SMARCD2: variants seen among roughly 807,000 people sequenced by gnomAD.
The protein encoded by SMARCD2 is SWI/SNF related BAF chromatin remodeling complex subunit D2, also known as SWI/SNF-related matrix-associated actin-dependent regulator of chromatin subfamily D member 2.
A neutral mutation model predicts 70.4 loss-of-function variants in SMARCD2; 39 were observed. That is an observed-to-expected ratio of 0.55 (90% CI 0.43 to 0.72). The LOEUF (loss-of-function observed/expected upper bound fraction) is 0.72, where lower values mean the gene tolerates loss of function less well. Among genes scored for constraint, SMARCD2 ranks in the 30% least tolerant of loss-of-function variants. SMARCD2 has a pLI of 0.00. For synonymous variants in SMARCD2, 249 were observed against 279.4 expected (o/e 0.89, Z 1.08); for missense variants, 540 against 713.4 (o/e 0.76, Z 2.77).
chr17:63,842,327 G>T, intron 1 of SMARCD2, 132 bp downstream of exon 1: 1 of 1,182,376 alleles, frequency 8.5e-7, no homozygotes, highest in South Asian at 2.5e-5. Flanking sequence ...CGAGGGTCCC[G>T]GCCCGCCCTC....
chr17:63,836,071 T>C (rs2040261740), intron 4 of SMARCD2, among the ~76,000 whole-genome samples: 2 of 151,118 alleles, frequency 1.3e-5, no homozygotes, highest in African/African-American at 4.9e-5. Context: ...TCACCAACAA[T>C]GCCAGCACAG....
rs768065410 is a variant in SMARCD2 at position 63,833,031 on chromosome 17, C to T, written c.1542+38G>A. 3 of 1,585,766 alleles carry T rather than the reference C, an allele frequency of 1.9e-6. No homozygotes were observed. Among genetic ancestry groups the T allele is most frequent in the East Asian group, 4.6e-5 (2 of 43,494 alleles). On this transcript the variant is annotated intron_variant, in intron 12 of 12. Coordinates refer to ENST00000448276, the MANE Select transcript of SMARCD2 (RefSeq NM_001098426.2). This position sits in a 1 kb window ranked among gnomAD's most constrained non-coding sequence, Gnocchi z 4.3. ...AACCAAGTGGCTCAGGCCTTTGCTA[C>T]TCACGGCCAAAGGAGGGAAAACAGG...
chr17:63,833,594 T>C lies in SMARCD2; in HGVS notation c.1310A>G (p.Asp437Gly). 6.2e-7 allele frequency: 1 copy of C among 1,613,952 alleles called. No individual in the cohort carries two copies. Among genetic ancestry groups the C allele is most frequent in the Non-Finnish European group, 8.5e-7 (1 of 1,179,866 alleles). Residue 437 changes from aspartate to glycine, a missense_variant, in exon 10 of 13, where the codon GAT becomes GGT. Physicochemically the swap from Asp to Gly is moderately conservative, Grantham distance 94. Transcript: ENST00000448276. This position sits in a 1 kb window ranked among gnomAD's most constrained non-coding sequence, Gnocchi z 4.3. ...TTNQQEIASLDVKIHETIESI... is the reference protein window; with the variant it reads ...TTNQQEIASLGVKIHETIESI... ...TGGAGCCAGAGGGCCCACCTTGACA[T>C]CAAGGGAGGCGATCTCCTGCTGATT...
At position 63,835,579 on chromosome 17, in the gene SMARCD2, A is replaced by G. The variant is rs748678398; in HGVS notation, c.568-12T>C. 2 of 1,613,370 alleles carry G rather than the reference A, an allele frequency of 1.2e-6. No individual in the cohort carries two copies. The highest frequency in any genetic ancestry group is 4.5e-5 in the East Asian group (2 of 44,886). ...AGCTTTCGCTTTTGCTAAAGAGAGA[A>G]AGGCAATCACAACTGGAGGTGGACC... On this transcript the variant is annotated splice_polypyrimidine_tract_variant and intron_variant, in intron 4 of 12. Transcript: ENST00000448276.
chr17:63,842,582 G>A lies in SMARCD2; in HGVS notation c.93C>T (p.Pro31=). ...VAAALGAPPP[P]AGPGMLPGPA... is the part of the protein sequence containing the mutation. The stretch of plus-strand genomic sequence containing the variant: ...GTCCGGGCAGCATGCCGGGTCCCGC[G>A]GGGGGAGGCGGCGCTCCCAGGGCCG... The change falls in exon 1 of 13, where the codon CCC becomes CCT. Residue 31 remains proline (P), a synonymous_variant. Transcript: ENST00000448276. 1 of 1,207,580 alleles carries A rather than the reference G, an allele frequency of 8.3e-7. No homozygotes were observed. Among genetic ancestry groups the A allele is most frequent in the Non-Finnish European group, 1.0e-6 (1 of 972,670 alleles). 74.8% of individuals were successfully genotyped at this position (1,207,580 alleles called of 1,614,324 possible).
rs555815271 is a variant in SMARCD2 at position 63,837,807 on chromosome 17, C to T, written c.217-182G>A. On this transcript the variant is annotated intron_variant, in intron 1 of 12. Coordinates refer to ENST00000448276, the MANE Select transcript of SMARCD2 (RefSeq NM_001098426.2). This position sits in a 1 kb window ranked among gnomAD's most constrained non-coding sequence, Gnocchi z 6.4. ...AGCACAGAGTGTAAACCACACCTGC[C>T]CTGCCCCCTGCAACCGCCCTGGCAG... 2.6e-5 allele frequency among the ~76,000 whole-genome samples: 4 copies of T among 152,302 alleles called. No individual in the cohort carries two copies. The South Asian group carries it at 6.2e-4, about 24-fold the overall frequency.
Position 63,842,540 on chromosome 17 carries a change from C to G in SMARCD2, c.135G>C (p.Pro45=). ...GGCCCCCCACGCCTCCTGCCGGACC[C>G]GGTCCCCGGAGCGCCGGTCCGGGCA... The part of the protein sequence containing the change: ...GMLPGPALRG[P]GPAGGVGGPG... The change falls in exon 1 of 13, where the codon CCG becomes CCC. Residue 45 remains proline (P), a synonymous_variant. Transcript: ENST00000448276. The G allele has an allele frequency of 1.7e-6, 2 of 1,209,802 alleles. No homozygotes were observed. Among genetic ancestry groups the G allele is most frequent in the Non-Finnish European group, 2.1e-6 (2 of 974,470 alleles). 74.9% of individuals were successfully genotyped at this position (1,209,802 alleles called of 1,614,324 possible).
At chr17:63,839,596 A>C (rs2727282) in intron 1 of SMARCD2, among the ~76,000 whole-genome samples, 2,880 of 149,908 alleles carry the variant, frequency 0.019, 48 homozygotes, top group Middle Eastern at 0.027. Flanking sequence ...AAAACAAACA[A>C]AAAAAAACAA....
chr17:63,835,378 C>A, intron 5 of SMARCD2, 34 bp downstream of exon 5: 1 of 1,599,802 alleles, frequency 6.3e-7, no homozygotes, highest in Non-Finnish European at 8.5e-7. Flanking sequence ...CCACACAGGC[C>A]TCCTTCCCTC....
chr17:63,839,602 A>C (rs1163245656), intron 1 of SMARCD2, among the ~76,000 whole-genome samples: 1 of 151,842 alleles, frequency 6.6e-6, no homozygotes. Context: ...AACAAAAAAA[A>C]ACAACTCAGG....
chr17:63,833,617 A>T lies in SMARCD2; in HGVS notation c.1287T>A (p.Asn429Lys), dbSNP rs199587799. The T allele has an allele frequency of 3.1e-6, 5 of 1,613,954 alleles. No homozygotes were observed. Among genetic ancestry groups the T allele is most frequent in the East Asian group, 4.5e-5 (2 of 44,876 alleles). Residue 429 changes from asparagine (N) to lysine (K), a missense_variant, in exon 10 of 13, where the codon AAT becomes AAA. Physicochemically the swap from Asn to Lys is moderately conservative, Grantham distance 94. Transcript: ENST00000448276. This position sits in a 1 kb window ranked among gnomAD's most constrained non-coding sequence, Gnocchi z 4.3. Reference protein sequence around the residue: ...QMSNFLASTTNQQEIASLDVK... With the variant: ...QMSNFLASTTKQQEIASLDVK... ...CATCAAGGGAGGCGATCTCCTGCTG[A>T]TTGGTGGTAGAGGCCAGAAAATTGC...
At position 63,834,657 on chromosome 17, in the gene SMARCD2, C is replaced by T. The variant is rs372210462; in HGVS notation, c.819+48G>A. On this transcript the variant is annotated intron_variant, in intron 6 of 12. Transcript: ENST00000448276. This position sits in a 1 kb window ranked among gnomAD's most constrained non-coding sequence, Gnocchi z 5.6. ...TCCCAAGGGCCCTGAGGCCATTTCC[C>T]TGCCAAACCTGCACATCAGCCTGCT... 6.3e-7 allele frequency: 1 copy of T among 1,579,228 alleles called. No individual in the cohort carries two copies. The highest frequency in any genetic ancestry group is 1.1e-5 in the South Asian group (1 of 90,320).
In SMARCD2 at chr17:63,842,441, C is replaced by T; in HGVS notation, c.216+18G>A. 4 of 1,346,788 alleles carry T rather than the reference C, an allele frequency of 3.0e-6. No homozygotes were observed. The highest frequency in any genetic ancestry group is 3.8e-6 in the Non-Finnish European group (4 of 1,049,126). The allele number at this position is 1,346,788 out of a possible 1,614,324, so 83.4% of individuals were successfully genotyped here. A position where few individuals can be genotyped will look rare whatever the true frequency, so the allele number is the denominator to read the frequency against. On this transcript the variant is annotated intron_variant, in intron 1 of 12. Transcript: ENST00000448276. ...GCAGCGCCTCTCGCCCCCGTCCGCT[C>T]GCGTCCTCCTTGCTCACCTGGTACT... is the stretch of plus-strand genomic sequence containing the variant.
Position 63,834,263 on chromosome 17 carries a change from G to A in SMARCD2, c.987C>T (p.Ala329=), listed in dbSNP as rs1334955432. 6 of 1,610,864 alleles carry A rather than the reference G, an allele frequency of 3.7e-6. No individual in the cohort carries two copies. The highest frequency in any genetic ancestry group is 1.6e-4 in the Middle Eastern group (1 of 6,074). Residue 329 remains alanine, a synonymous_variant, in exon 8 of 13, where the codon GCC becomes GCT. Transcript: ENST00000448276. This position sits in a 1 kb window ranked among gnomAD's most constrained non-coding sequence, Gnocchi z 5.6. ...AAAGCCACAGGGCCTGCATGATGGC[G>A]GCCCTCGTCTGCGTGTGCACTCCCA... is the stretch of plus-strand genomic sequence containing the variant. ...RLLGVHTQTR[A]AIMQALWLYI... is the part of the protein sequence containing the mutation.
chr17:63,835,618 A>G, intron 4 of SMARCD2, 51 bp from the exon 5 acceptor site: 4 of 1,575,214 alleles, frequency 2.5e-6, no homozygotes, highest in Non-Finnish European at 3.5e-6. Context: ...ATGCTGGGAC[A>G]CAGTGCTACC....
At position 63,834,817 on chromosome 17, in the gene SMARCD2, G is replaced by C. The variant is rs767586378; in HGVS notation, c.724-17C>G. Reference sequence around the variant, plus strand: ...TTTGCTAGGCTGGGGATGGAAAGGGGTGTGAGATGGTGCTGCTGAGCTCTC... The same window carrying C: ...TTTGCTAGGCTGGGGATGGAAAGGGCTGTGAGATGGTGCTGCTGAGCTCTC... On this transcript the variant is annotated splice_polypyrimidine_tract_variant and intron_variant, in intron 5 of 12. Transcript: ENST00000448276. This position sits in a 1 kb window ranked among gnomAD's most constrained non-coding sequence, Gnocchi z 5.6. The C allele has an allele frequency of 3.3e-6, 5 of 1,503,426 alleles. No homozygotes were observed. The highest frequency in any genetic ancestry group is 1.4e-5 in the African/African-American group (1 of 72,756). 93.1% of individuals were successfully genotyped at this position (1,503,426 alleles called of 1,614,324 possible). A position where few individuals can be genotyped will look rare whatever the true frequency, so the allele number is the denominator to read the frequency against.
In SMARCD2 at chr17:63,842,645, CG is replaced by C; in HGVS notation, c.29del (p.Pro10ArgfsTer5). On this transcript the variant is annotated frameshift_variant, in exon 1 of 13. Transcript: ENST00000448276. LOFTEE classifies it high-confidence loss of function. ...CGCCGCCAGGGCTTAGCGGGGGCAG[CG>C]GGAACCCGCCCGCGCCTCGGCCCGA... MSGRGAGGF[P>X]LPPLSPGGGA... The C allele has an allele frequency of 7.9e-7, 1 of 1,272,446 alleles. No individual in the cohort carries two copies. The highest frequency in any genetic ancestry group is 3.2e-5 in the East Asian group (1 of 31,596). The allele number at this position is 1,272,446 out of a possible 1,614,324, so 78.8% of individuals were successfully genotyped here.
chr17:63,839,118 C>T (rs763336958), intron 1 of SMARCD2: 1 of 985,356 alleles, frequency 1.0e-6, no homozygotes, highest in Non-Finnish European at 1.2e-6. Flanking sequence ...CAAAAGACAG[C>T]CTCTTTCTCT....
chr17:63,833,114 G>T lies in SMARCD2; in HGVS notation c.1497C>A (p.His499Gln), dbSNP rs772599433. The T allele has an allele frequency of 1.9e-6, 3 of 1,606,022 alleles. No homozygotes were observed. Among genetic ancestry groups the T allele is most frequent in the Non-Finnish European group, 2.6e-6 (3 of 1,176,290 alleles). Reference sequence around the variant, plus strand: ...CTACTGCTTCCTGGGCCCAGGGCTGGTGGTAGAAAGCAGCTCGTCTCTCCT... The same window carrying T: ...CTACTGCTTCCTGGGCCCAGGGCTGTTGGTAGAAAGCAGCTCGTCTCTCCT... ...PEEERRAAFY[H>Q]QPWAQEAVGR... The change falls in exon 12 of 13, where the codon CAC becomes CAA. Residue 499 changes from histidine to glutamine, a missense_variant. Coordinates refer to ENST00000448276, the MANE Select transcript of SMARCD2 (RefSeq NM_001098426.2). The surrounding 1 kb of genome is among the most constrained non-coding windows in gnomAD (Gnocchi z 4.3).
Sources: allele counts gnomAD v4.1 joint callset (sites outside exome capture counted in the v4.1 genomes callset), GRCh38; gene constraint gnomAD v4.1.1; non-coding constraint Gnocchi (gnomAD v3.1); transcripts MANE v1.5; gene names NCBI Gene and HGNC (gene_info 2026-07-23, HGNC 2026-07-21).